The following POLN variants were observed in gnomAD, a reference collection of about 807,000 sequenced individuals.
The protein encoded by POLN is DNA polymerase nu.
POLN carries 108 observed loss-of-function variants against 113.5 expected under a neutral mutation model. The observed-to-expected ratio is 0.95, with a 90% CI of 0.81 to 1.12. The LOEUF (loss-of-function observed/expected upper bound fraction) is 1.12, where lower values mean the gene tolerates loss of function less well. Among genes scored for constraint, POLN ranks in the 50% most tolerant of loss-of-function variants. The probability of loss-of-function intolerance (pLI) is 0.00; values close to 1 mark genes in which losing one functional copy is unlikely to be tolerated. For synonymous variants in POLN, 386 were observed against 391.5 expected (o/e 0.99, Z 0.17); for missense variants, 1,097 against 1,077.1 (o/e 1.02, Z -0.26).
At chr4:2,170,047 G>A (rs1732821621) in intron 13 of POLN, among the ~76,000 whole-genome samples, 1 of 152,196 alleles carries the variant, frequency 6.6e-6, no homozygotes, top group African/African-American at 2.4e-5. Context: ...ATCTTAGAAG[G>A]AAACCTTCCT....
chr4:2,236,157 A>G (rs772478302), intron 2 of POLN: 14 of 877,548 alleles, frequency 1.6e-5, no homozygotes, highest in Non-Finnish European at 2.3e-5. Flanking sequence ...TCATGTTAAC[A>G]TTTTCTTTAA....
At chr4:2,144,104 G>A (rs962583100) in intron 16 of POLN, among the ~76,000 whole-genome samples, 15 of 148,300 alleles carry the variant, frequency 1.0e-4, no homozygotes, top group African/African-American at 3.7e-4. Context: ...TGTAAAAAGG[G>A]TCTTCTATAA....
intron 7 of POLN, among the ~76,000 whole-genome samples, chr4:2,184,283 C>T (rs376041206): frequency 6.8e-6 from 1 of 147,674 alleles, no homozygotes; most frequent in African/African-American, 2.5e-5. Context: ...CAAACAAAAA[C>T]CTTTGGACAT....
At chr4:2,198,073 C>T (rs1646094752) in intron 6 of POLN, among the ~76,000 whole-genome samples, 1 of 152,214 alleles carries the variant, frequency 6.6e-6, no homozygotes, top group African/African-American at 2.4e-5. Flanking sequence ...CAGGTCTTGC[C>T]TCTTTCCACA....
At chr4:2,083,283 G>A (rs1258427641) in intron 21 of POLN, among the ~76,000 whole-genome samples, 6 of 152,074 alleles carry the variant, frequency 3.9e-5, no homozygotes, top group Admixed American at 6.5e-5. Context: ...CTGGATCCAC[G>A]TCTCCTCCAC....
At chr4:2,174,888 T>G in intron 9 of POLN, 137 bp from the exon 10 acceptor site, 1 of 607,356 alleles carries the variant, frequency 1.6e-6, no homozygotes, top group Non-Finnish European at 2.9e-6. Context: ...AGTGGCGTGA[T>G]CTCAGCGCAC....
chr4:2,159,101 A>G, intron 14 of POLN, 54 bp downstream of exon 14: 2 of 1,331,304 alleles, frequency 1.5e-6, no homozygotes, highest in African/African-American at 1.4e-5. Context: ...ACACAGGGCC[A>G]TATGGTTCCC....
intron 19 of POLN, among the ~76,000 whole-genome samples, chr4:2,101,238 C>G (rs1730915304): frequency 6.6e-6 from 1 of 151,754 alleles, no homozygotes; most frequent in South Asian, 2.1e-4. Context: ...GAAACACAAA[C>G]AATACAAACC....
intron 2 of POLN, chr4:2,231,153 A>T (rs1734566139): frequency 1.3e-5 from 2 of 152,222 alleles, no homozygotes; most frequent in Admixed American, 6.5e-5. Flanking sequence ...AGGGACATTA[A>T]AACAGCCTAA....
intron 23 of POLN, among the ~76,000 whole-genome samples, chr4:2,078,303 C>T (rs1026681089): frequency 6.6e-6 from 1 of 152,312 alleles, no homozygotes; most frequent in East Asian, 1.9e-4. Flanking sequence ...CGCTGGCCAC[C>T]GGCCTCCTGC....
intron 20 of POLN, chr4:2,090,047 T>C: frequency 1.1e-6 from 1 of 889,776 alleles, no homozygotes; most frequent in South Asian, 1.5e-5. Context: ...ACTGAAGAAT[T>C]ATGAGATAAT....
chr4:2,097,423 T>G (rs1032568470), intron 19 of POLN, among the ~76,000 whole-genome samples: 3 of 151,256 alleles, frequency 2.0e-5, no homozygotes, highest in African/African-American at 7.3e-5. Context: ...CGATCTCGAC[T>G]CACTGCAACC....
intron 19 of POLN, among the ~76,000 whole-genome samples, chr4:2,102,454 G>A (rs2108705403): frequency 6.6e-6 from 1 of 152,270 alleles, no homozygotes; most frequent in Middle Eastern, 3.4e-3. Flanking sequence ...CAACACAAAT[G>A]CACAGCACTT....
intron 11 of POLN, among the ~76,000 whole-genome samples, 188 bp downstream of exon 11, chr4:2,173,767 A>G (rs1732925331): frequency 6.6e-6 from 1 of 152,112 alleles, no homozygotes; most frequent in Non-Finnish European, 1.5e-5. Context: ...ACACACACGC[A>G]CTAGATGCTG....
intron 16 of POLN, among the ~76,000 whole-genome samples, chr4:2,136,367 C>T (rs73197210): frequency 7.9e-5 from 12 of 152,340 alleles, no homozygotes; most frequent in Admixed American, 2.0e-4. Context: ...AGCTGAACCC[C>T]GCAGAGGAAG....
chr4:2,164,768 A>G (rs2108744224), intron 13 of POLN, among the ~76,000 whole-genome samples: 1 of 127,272 alleles, frequency 7.9e-6, no homozygotes, highest in Non-Finnish European at 1.6e-5. Flanking sequence ...ATGCCACTGC[A>G]CTCCAACCTG....
chr4:2,166,869 T>C (rs945795492), intron 13 of POLN, among the ~76,000 whole-genome samples: 3 of 152,146 alleles, frequency 2.0e-5, no homozygotes, highest in African/African-American at 7.2e-5. Flanking sequence ...AGAAGGCCTA[T>C]CGTGGGACTT....
chr4:2,168,953 T>A (rs1376299012), intron 13 of POLN, among the ~76,000 whole-genome samples: 2 of 152,214 alleles, frequency 1.3e-5, no homozygotes, highest in African/African-American at 4.8e-5. Context: ...AGTGGTGAGT[T>A]GTGTGCAGAA....
chr4:2,088,115 T>C (rs1365065191), intron 20 of POLN, among the ~76,000 whole-genome samples: 2 of 152,214 alleles, frequency 1.3e-5, no homozygotes, highest in South Asian at 2.1e-4. Context: ...TATATTTACA[T>C]GGTCCCTTAA....
Sources: gnomAD v4.1 joint callset for allele counts (sites outside exome capture counted in the v4.1 genomes callset) on GRCh38, gnomAD v4.1.1 for gene constraint, MANE v1.5 for transcripts, NCBI Gene and HGNC (gene_info 2026-07-23, HGNC 2026-07-21) for gene names.